The following TJP2 variants were observed in gnomAD, a reference collection of about 807,000 sequenced individuals.
TJP2 encodes tight junction protein 2, also known as Friedreich ataxia region gene X104 (tight junction protein ZO-2).
TJP2 carries 91 observed loss-of-function variants against 133.1 expected under a neutral mutation model. The observed-to-expected ratio is 0.68, with a 90% CI of 0.58 to 0.81. The LOEUF is 0.81. TJP2 is among the 40% of genes least tolerant of loss of function. TJP2 has a pLI of 0.00. For missense variants in TJP2, 1,541 were observed against 1,565.6 expected, an observed-to-expected ratio of 0.98 and a Z score of 0.26; for synonymous variants, 592 against 583.4, an observed-to-expected ratio of 1.01 and a Z score of -0.21.
At position 69,251,261 on chromosome 9, in the gene TJP2, A is replaced by G; in HGVS notation, c.3218A>G (p.Asn1073Ser). The G allele has an allele frequency of 6.2e-7, 1 of 1,614,188 alleles. No individual in the cohort carries two copies. The highest frequency in any genetic ancestry group is 8.5e-7 in the Non-Finnish European group (1 of 1,180,024). Residue 1073 changes from asparagine (N) to serine (S), a missense_variant, in exon 21 of 23, where the codon AAT becomes AGT. Asn to Ser is a conservative substitution (Grantham distance 46). Transcript: ENST00000377245. ...EVGESSEEQDNAPKSVLGKVK... is the reference protein window; with the variant it reads ...EVGESSEEQDSAPKSVLGKVK... ...GGAGAGAGCAGTGAGGAGCAAGATA[A>G]TGCTCCCAAATCAGTCCTGGGCAAA...
At chr9:69,232,811 T>C (rs1039922294) in intron 11 of TJP2, among the ~76,000 whole-genome samples, 1 of 152,198 alleles carries the variant, frequency 6.6e-6, no homozygotes. Flanking sequence ...CTAAGTTTGG[T>C]TATTAACCAT....
Position 69,249,089 on chromosome 9 carries a change from A to G in TJP2, c.2881-286A>G, listed in dbSNP as rs1313042893. ...ACTTGTAAAGAATAAATTAACTTCCAAATGCCTATAGACATGGATATTAGT... is the reference window on the plus strand; with the variant it reads ...ACTTGTAAAGAATAAATTAACTTCCGAATGCCTATAGACATGGATATTAGT... On this transcript the variant is annotated intron_variant, in intron 19 of 22. Coordinates refer to ENST00000377245, the MANE Select transcript of TJP2 (RefSeq NM_004817.4). 2.6e-6 allele frequency: 3 copies of G among 1,158,278 alleles called. No individual in the cohort carries two copies. The African/African-American group carries it at 4.7e-5, about 18-fold the overall frequency. 71.8% of individuals were successfully genotyped at this position (1,158,278 alleles called of 1,614,324 possible).
chr9:69,236,092 T>C lies in TJP2; in HGVS notation c.1845T>C (p.Cys615=). The change falls in exon 13 of 23, where the codon TGT becomes TGC. Residue 615 remains cysteine, a synonymous_variant. Coordinates refer to ENST00000377245, the MANE Select transcript of TJP2 (RefSeq NM_004817.4). ...DSFFIRSHFE[C]EKETPQSLAF... is the part of the protein sequence containing the mutation. ...TTTTTATAAGAAGCCACTTTGAATG[T>C]GAGAAGGAAACTCCACAGAGCCTGG... 1 of 1,614,154 alleles carries C rather than the reference T, an allele frequency of 6.2e-7. No individual in the cohort carries two copies. The highest frequency in any genetic ancestry group is 1.1e-5 in the South Asian group (1 of 91,076).
chr9:69,253,024 G>C, intron 22 of TJP2, 124 bp downstream of exon 22: 1 of 836,668 alleles, frequency 1.2e-6, no homozygotes, highest in Non-Finnish European at 2.0e-6. Context: ...CAGATTGACT[G>C]TTTGCCTTAC....
At chr9:69,152,817 CTTTTTTTTTTTT>C (rs10543289) in intron 2 of TJP2, among the ~76,000 whole-genome samples, 18 of 47,998 alleles carry the variant, frequency 3.8e-4, no homozygotes, top group African/African-American at 4.8e-4. Context: ...CTCTGGAGCT[CTTTTTTTTTTTT>C]TTTTTTTTTT....
At chr9:69,160,965 G>GA (rs1444167414) in intron 2 of TJP2, among the ~76,000 whole-genome samples, 7 of 152,250 alleles carry the variant, frequency 4.6e-5, no homozygotes, top group South Asian at 2.1e-4. Context: ...TTTGGGTGGG[G>GA]ACACAGCCAA....
intron 1 of TJP2, among the ~76,000 whole-genome samples, chr9:69,207,886 G>C (rs1827560961): frequency 6.6e-6 from 1 of 152,170 alleles, no homozygotes; most frequent in Non-Finnish European, 1.5e-5. Flanking sequence ...TATGTGGGGT[G>C]CTCTGTGTTT....
rs546078235 is a variant in TJP2 at position 69,187,563 on chromosome 9, A to G, written c.60+13131A>G. Among the ~76,000 whole-genome samples the G allele has an allele frequency of 7.2e-4, 110 of 152,250 alleles. 1 individual carries two copies. Among genetic ancestry groups the G allele is most frequent in the Middle Eastern group, 3.2e-3 (1 of 316 alleles). ...CTTTTTGACTGAGACGAGCGTAATCAAAAGGAATGCTGGGAAACAGTGAAC... is the reference window on the plus strand; with the variant it reads ...CTTTTTGACTGAGACGAGCGTAATCGAAAGGAATGCTGGGAAACAGTGAAC... On this transcript the variant is annotated intron_variant, in intron 1 of 22. Coordinates refer to ENST00000377245, the MANE Select transcript of TJP2 (RefSeq NM_004817.4).
intron 2 of TJP2, among the ~76,000 whole-genome samples, chr9:69,163,598 T>C (rs2132867200): frequency 6.7e-6 from 1 of 150,368 alleles, no homozygotes; most frequent in African/African-American, 2.5e-5. Context: ...ATTGTATCAG[T>C]GCACTCCAGC....
At chr9:69,239,246 G>C (rs1830421357) in intron 16 of TJP2, among the ~76,000 whole-genome samples, 1 of 152,112 alleles carries the variant, frequency 6.6e-6, no homozygotes, top group Non-Finnish European at 1.5e-5. Context: ...ACCAGTCACT[G>C]TTGGCAGTGA....
chr9:69,163,712 ATCC>A (rs1824208333), intron 2 of TJP2, among the ~76,000 whole-genome samples: 1 of 151,792 alleles, frequency 6.6e-6, no homozygotes, highest in Non-Finnish European at 1.5e-5. Context: ...AGCTCAAGCC[ATCC>A]ATCCACCTCA....
At chr9:69,174,909 GTTT>G (rs35641843) in intron 1 of TJP2, among the ~76,000 whole-genome samples, 4,370 of 139,166 alleles carry the variant, frequency 0.031, 143 homozygotes, top group African/African-American at 0.09. Context: ...AGTAAAAGTT[GTTT>G]TTTTTTTTTT....
upstream of TJP2, among the ~76,000 whole-genome samples, chr9:69,169,372 G>T (rs946003990): frequency 3.4e-5 from 5 of 147,816 alleles, no homozygotes; most frequent in Admixed American, 6.8e-5. Flanking sequence ...TTTTTTTTGG[G>T]GGGGGGATGG....
intron 1 of TJP2, among the ~76,000 whole-genome samples, chr9:69,132,161 G>A (rs2133241460): frequency 6.6e-6 from 1 of 152,316 alleles, no homozygotes; most frequent in Middle Eastern, 3.4e-3. Flanking sequence ...TTTACTGGGG[G>A]ATTGTTACAC....
intron 1 of TJP2, among the ~76,000 whole-genome samples, chr9:69,137,469 C>T (rs991762087): frequency 2.0e-5 from 3 of 151,104 alleles, no homozygotes; most frequent in Non-Finnish European, 2.9e-5. Flanking sequence ...CTCAAACGAT[C>T]CTCTCGCCTC....
intron 1 of TJP2, among the ~76,000 whole-genome samples, chr9:69,142,332 T>C (rs1298753071): frequency 3.3e-5 from 5 of 152,154 alleles, no homozygotes; most frequent in African/African-American, 1.2e-4. Flanking sequence ...AGCAGGTGAG[T>C]CTAAAAGAGC....
At chr9:69,174,086 C>T, upstream of TJP2, 1 of 1,132,574 alleles carries the variant, frequency 8.8e-7, no homozygotes, top group Non-Finnish European at 1.1e-6. Context: ...CTCGAAGGCG[C>T]GGCGCCGGCG....
At chr9:69,229,439 TGG>T (rs1468784478) in intron 10 of TJP2, among the ~76,000 whole-genome samples, 189 bp downstream of exon 10, 57 of 152,308 alleles carry the variant, frequency 3.7e-4, no homozygotes, top group Non-Finnish European at 6.2e-4. Context: ...AATGCGGAAG[TGG>T]GTGAACTTTG....
chr9:69,134,639 C>G (rs941019597), intron 1 of TJP2, among the ~76,000 whole-genome samples: 1 of 152,128 alleles, frequency 6.6e-6, no homozygotes, highest in African/African-American at 2.4e-5. Flanking sequence ...AAACTGGGTT[C>G]GAGGAACCCA....
Sources: gnomAD v4.1 joint callset for allele counts (sites outside exome capture counted in the v4.1 genomes callset) on GRCh38, gnomAD v4.1.1 for gene constraint, MANE v1.5 for transcripts, NCBI Gene and HGNC (gene_info 2026-07-23, HGNC 2026-07-21) for gene names.